The following MALRD1 variants were observed in gnomAD, a reference collection of about 807,000 sequenced individuals.
MALRD1 encodes MAM and LDL-receptor class A domain-containing protein 1.
MALRD1 carries 247 observed loss-of-function variants against 242.1 expected under a neutral mutation model. That is an observed-to-expected ratio of 1.02 (90% confidence interval 0.92 to 1.13). The LOEUF (loss-of-function observed/expected upper bound fraction) is 1.13, where lower values mean the gene tolerates loss of function less well. MALRD1 is among the 50% of genes most tolerant of loss of function. The probability of loss-of-function intolerance (pLI) is 0.00; values close to 1 mark genes in which losing one functional copy is unlikely to be tolerated. For synonymous variants in MALRD1, 995 were observed against 866.6 expected, an observed-to-expected ratio of 1.15 and a Z score of -2.60; for missense variants, 2,989 against 2,533.1, an observed-to-expected ratio of 1.18 and a Z score of -3.86.
chr10:19,692,314 A>T lies in MALRD1; in HGVS notation c.6170A>T (p.His2057Leu). 1.3e-6 allele frequency: 2 copies of T among 1,535,312 alleles called. No homozygotes were observed. Among genetic ancestry groups the T allele is most frequent in the Middle Eastern group, 1.7e-4 (1 of 5,984 alleles). The change falls in exon 37 of 40, where the codon CAT becomes CTT. Residue 2057 changes from histidine to leucine, a missense_variant. His to Leu is a moderately conservative substitution (Grantham distance 99, BLOSUM62 -3). Transcript: ENST00000454679. Reference protein sequence around the residue: ...CRQGWKGNRCHIKFNPPATDF... With the variant: ...CRQGWKGNRCLIKFNPPATDF... ...CAAGGCTGGAAAGGAAATCGATGCC[A>T]TATCAAGTTTAATCCTCCTGCTACA...
intron 4 of MALRD1, among the ~76,000 whole-genome samples, chr10:19,094,654 G>T (rs1835954393): frequency 6.6e-6 from 1 of 152,128 alleles, no homozygotes; most frequent in South Asian, 2.1e-4. Flanking sequence ...TTTCCTTCCA[G>T]ACTTTTCTCA....
At chr10:19,391,753 A>T (rs1357179044) in intron 28 of MALRD1, among the ~76,000 whole-genome samples, 1 of 152,218 alleles carries the variant, frequency 6.6e-6, no homozygotes, top group Non-Finnish European at 1.5e-5. Flanking sequence ...GATTCCTGCT[A>T]ACTGGCTGTT....
intron 1 of MALRD1, among the ~76,000 whole-genome samples, chr10:19,061,221 A>G (rs1228785563): frequency 6.6e-6 from 1 of 152,222 alleles, no homozygotes; most frequent in Admixed American, 6.5e-5. Context: ...AACCAGCACG[A>G]GACTAAAGAG....
At position 19,372,937 on chromosome 10, in the gene MALRD1, A is replaced by G. The variant is rs182731797; in HGVS notation, c.4442-14591A>G. Reference sequence around the variant, plus strand: ...TACAAGATTACTAATCAGCTCATATATTTTTCGCTATCATTATATTCCTCA... The same window carrying G: ...TACAAGATTACTAATCAGCTCATATGTTTTTCGCTATCATTATATTCCTCA... On this transcript the variant is annotated intron_variant, in intron 26 of 39. Transcript: ENST00000454679. 1.4e-3 allele frequency among the ~76,000 whole-genome samples: 218 copies of G among 152,140 alleles called. 2 individuals carry two copies. The highest frequency in any genetic ancestry group is 2.6e-3 in the Non-Finnish European group (180 of 67,994).
At chr10:19,701,397 A>C (rs1302620735) in intron 38 of MALRD1, among the ~76,000 whole-genome samples, 1 of 152,138 alleles carries the variant, frequency 6.6e-6, no homozygotes, top group East Asian at 1.9e-4. Flanking sequence ...CAAATGTCAT[A>C]TATTCTCTTC....
At chr10:19,237,500 T>TTG (rs1229379876) in intron 18 of MALRD1, among the ~76,000 whole-genome samples, 3 of 78,884 alleles carry the variant, frequency 3.8e-5, no homozygotes, top group East Asian at 3.5e-4. Flanking sequence ...TAGTATTTCA[T>TTG]TGTGTGTGTG....
At chr10:19,131,740 T>C (rs1178111982) in intron 8 of MALRD1, among the ~76,000 whole-genome samples, 1 of 152,140 alleles carries the variant, frequency 6.6e-6, no homozygotes, top group Non-Finnish European at 1.5e-5. Flanking sequence ...AATAAATATG[T>C]TAAATATTTT....
chr10:19,471,031 A>C (rs1429732351), intron 29 of MALRD1, among the ~76,000 whole-genome samples: 1 of 151,702 alleles, frequency 6.6e-6, no homozygotes, highest in Non-Finnish European at 1.5e-5. Flanking sequence ...ATGTCAAGGA[A>C]ATTTTCCCCT....
At chr10:19,395,086 T>A (rs1846519694) in intron 28 of MALRD1, among the ~76,000 whole-genome samples, 1 of 152,220 alleles carries the variant, frequency 6.6e-6, no homozygotes, top group Non-Finnish European at 1.5e-5. Context: ...CGTTTCAGTA[T>A]CTTAGCAGTG....
chr10:19,395,634 A>T (rs977646725), intron 28 of MALRD1, among the ~76,000 whole-genome samples: 2 of 151,998 alleles, frequency 1.3e-5, no homozygotes, highest in South Asian at 2.1e-4. Context: ...CCCAAGATTT[A>T]TTTTCTTTTC....
At chr10:19,416,022 A>T (rs185343105) in intron 28 of MALRD1, among the ~76,000 whole-genome samples, 113 of 152,280 alleles carry the variant, frequency 7.4e-4, no homozygotes, top group Non-Finnish European at 1.4e-3. Flanking sequence ...CTATAAACAA[A>T]CTGCTTATAT....
At chr10:19,471,848 A>G (rs1279130820) in intron 29 of MALRD1, among the ~76,000 whole-genome samples, 2 of 151,884 alleles carry the variant, frequency 1.3e-5, no homozygotes, top group African/African-American at 4.8e-5. Flanking sequence ...TTTTCTATAT[A>G]TAAGATCATG....
chr10:19,314,901 G>C (rs537106242), intron 21 of MALRD1, among the ~76,000 whole-genome samples: 8 of 150,936 alleles, frequency 5.3e-5, no homozygotes, highest in African/African-American at 1.7e-4. Flanking sequence ...TATATGACCA[G>C]ATAAAGAGGT....
At chr10:19,319,257 A>G (rs1842824753) in intron 21 of MALRD1, among the ~76,000 whole-genome samples, 1 of 152,126 alleles carries the variant, frequency 6.6e-6, no homozygotes, top group South Asian at 2.1e-4. Flanking sequence ...GTTATGTTAT[A>G]TAAGCTTTCA....
chr10:19,357,000 C>A (rs1323923052), intron 26 of MALRD1, among the ~76,000 whole-genome samples: 1 of 151,580 alleles, frequency 6.6e-6, no homozygotes, highest in East Asian at 1.9e-4. Flanking sequence ...TTCCAGCTAC[C>A]TGGGAGGCTG....
At chr10:19,143,236 T>C (rs1833611322) in intron 10 of MALRD1, among the ~76,000 whole-genome samples, 2 of 152,234 alleles carry the variant, frequency 1.3e-5, no homozygotes, top group Admixed American at 1.3e-4. Flanking sequence ...CAATCAAAAG[T>C]GGCTTTTATC....
At chr10:19,454,122 T>C (rs543357426) in intron 29 of MALRD1, among the ~76,000 whole-genome samples, 13 of 150,646 alleles carry the variant, frequency 8.6e-5, no homozygotes, top group African/African-American at 3.0e-4. Flanking sequence ...GCTTTTGGAT[T>C]TTCCTAAGTC....
At chr10:19,291,007 C>T (rs1428687913) in intron 21 of MALRD1, among the ~76,000 whole-genome samples, 2 of 152,124 alleles carry the variant, frequency 1.3e-5, no homozygotes, top group African/African-American at 4.8e-5. Flanking sequence ...GTTTTATGAT[C>T]ATTTTTATCT....
At chr10:19,338,836 T>C (rs1419207245) in intron 24 of MALRD1, among the ~76,000 whole-genome samples, 1 of 151,246 alleles carries the variant, frequency 6.6e-6, no homozygotes, top group African/African-American at 2.4e-5. Context: ...AAACAGTATG[T>C]ATTATTAATT....
Sources: gnomAD v4.1 joint callset for allele counts (sites outside exome capture counted in the v4.1 genomes callset) on GRCh38, gnomAD v4.1.1 for gene constraint, MANE v1.5 for transcripts, NCBI Gene and HGNC (gene_info 2026-07-23, HGNC 2026-07-21) for gene names.